CCDC60: variants seen among roughly 807,000 people sequenced by gnomAD.
CCDC60 encodes the protein coiled-coil domain-containing protein 60.
A neutral mutation model predicts 63.5 loss-of-function variants in CCDC60; 54 were observed. The observed-to-expected ratio is 0.85, with a 90% CI of 0.68 to 1.07. The LOEUF (loss-of-function observed/expected upper bound fraction) is 1.07, where lower values mean the gene tolerates loss of function less well. CCDC60 is among the 50% of genes least tolerant of loss of function. CCDC60 has a pLI of 0.00. For synonymous variants in CCDC60, 206 were observed against 238.8 expected, an observed-to-expected ratio of 0.86 and a Z score of 1.27; for missense variants, 651 against 684.3, an observed-to-expected ratio of 0.95 and a Z score of 0.54.
chr12:119,472,641 C>T (rs1025582017), intron 3 of CCDC60, among the ~76,000 whole-genome samples: 1 of 141,478 alleles, frequency 7.1e-6, no homozygotes, highest in Non-Finnish European at 1.5e-5. Context: ...AGTGCAGCGG[C>T]GTGATCTTGG....
chr12:119,355,832 GGTTGTTGCCATGGAAAGGGTAACTTCCA>G (rs960347353), intron 1 of CCDC60, among the ~76,000 whole-genome samples: 2 of 152,208 alleles, frequency 1.3e-5, no homozygotes, highest in Non-Finnish European at 2.9e-5. Context: ...CAGGTTGTCG[GGTTGTTGCCATGGAAAGGGTAACTTCCA>G]GTTGTTGCCA....
At chr12:119,338,959 G>A (rs1177834764) in intron 1 of CCDC60, among the ~76,000 whole-genome samples, 1 of 152,168 alleles carries the variant, frequency 6.6e-6, no homozygotes, top group Non-Finnish European at 1.5e-5. Flanking sequence ...CCTAACGAAT[G>A]TTCCACTGGC....
chr12:119,493,507 G>A (rs1305027088), intron 5 of CCDC60, among the ~76,000 whole-genome samples: 6 of 151,702 alleles, frequency 4.0e-5, no homozygotes, highest in African/African-American at 1.5e-4. Context: ...GTCATTATGA[G>A]TTGCATCTGA....
rs544718941 is a variant in CCDC60, at chr12:119,528,058, G to A, written c.1230-557G>A. Reference sequence around the variant, plus strand: ...TGAGGATAAAGCTGGAAAATGTGGGGGCTGAATAATTTAGAGCCTTAGAGA... The same window carrying A: ...TGAGGATAAAGCTGGAAAATGTGGGAGCTGAATAATTTAGAGCCTTAGAGA... On this transcript the variant is annotated intron_variant, in intron 11 of 13. Coordinates refer to ENST00000327554, the MANE Select transcript of CCDC60 (RefSeq NM_178499.5). 6.8e-4 allele frequency among the ~76,000 whole-genome samples: 104 copies of A among 152,036 alleles called. 1 individual carries two copies. The Middle Eastern group carries it at 0.02, about 30-fold the overall frequency.
At chr12:119,475,256 C>T (rs1267823966) in intron 3 of CCDC60, among the ~76,000 whole-genome samples, 2 of 152,098 alleles carry the variant, frequency 1.3e-5, no homozygotes, top group African/African-American at 4.8e-5. Context: ...GACAGGCAAA[C>T]CCAAAAAGCA....
chr12:119,351,163 A>C (rs1335107599), intron 1 of CCDC60, among the ~76,000 whole-genome samples: 2 of 152,190 alleles, frequency 1.3e-5, no homozygotes, highest in African/African-American at 4.8e-5. Context: ...GTCAGGATTC[A>C]AAGCATCACA....
At chr12:119,464,742 A>T (rs1167997138) in intron 2 of CCDC60, among the ~76,000 whole-genome samples, 1 of 152,094 alleles carries the variant, frequency 6.6e-6, no homozygotes, top group Non-Finnish European at 1.5e-5. Flanking sequence ...ACAGGACCTA[A>T]AGCTACACTG....
chr12:119,436,711 T>G (rs1296544918), intron 2 of CCDC60, among the ~76,000 whole-genome samples: 2 of 152,142 alleles, frequency 1.3e-5, no homozygotes, highest in African/African-American at 2.4e-5. Context: ...GCTAATTTTT[T>G]GTATTTTTAG....
intron 3 of CCDC60, among the ~76,000 whole-genome samples, chr12:119,476,414 G>T (rs1322353074): frequency 1.3e-5 from 2 of 152,268 alleles, no homozygotes; most frequent in Middle Eastern, 3.4e-3. Context: ...ATTTGCTGTG[G>T]TTTTCTCAGC....
rs189378884 is a variant in CCDC60 at position 119,371,099 on chromosome 12, C to T, written c.90+35833C>T. On this transcript the variant is annotated intron_variant, in intron 1 of 13. Coordinates refer to ENST00000327554, the MANE Select transcript of CCDC60 (RefSeq NM_178499.5). The stretch of plus-strand genomic sequence containing the variant: ...TGGGCCCTGGACCCTAATGCCTCAG[C>T]GATTGGATGGGTTGGTTCTCTCTAC... 1.2e-3 allele frequency among the ~76,000 whole-genome samples: 176 copies of T among 152,218 alleles called. 1 individual carries two copies. Among genetic ancestry groups the T allele is most frequent in the Admixed American group, 2.3e-3 (35 of 15,288 alleles).
intron 1 of CCDC60, among the ~76,000 whole-genome samples, chr12:119,426,578 C>G (rs1593070298): frequency 6.6e-6 from 1 of 152,158 alleles, no homozygotes; most frequent in Middle Eastern, 3.4e-3. Flanking sequence ...TGTCTGGTCT[C>G]AAATTCCTGA....
At chr12:119,517,282 C>A (rs1001754502) in intron 8 of CCDC60, among the ~76,000 whole-genome samples, 4 of 152,214 alleles carry the variant, frequency 2.6e-5, no homozygotes, top group Non-Finnish European at 4.4e-5. Flanking sequence ...ATGTGAATCA[C>A]CATACCTGGC....
intron 1 of CCDC60, among the ~76,000 whole-genome samples, chr12:119,396,483 G>A (rs1018464770): frequency 6.6e-6 from 1 of 152,186 alleles, no homozygotes. Flanking sequence ...GGATGCAGCA[G>A]TGGAACAGGG....
At chr12:119,416,788 A>T (rs1177909385) in intron 1 of CCDC60, among the ~76,000 whole-genome samples, 1 of 152,174 alleles carries the variant, frequency 6.6e-6, no homozygotes, top group Non-Finnish European at 1.5e-5. Flanking sequence ...TTTCCCCACA[A>T]ATCAAGGGTT....
intron 1 of CCDC60, among the ~76,000 whole-genome samples, chr12:119,424,217 T>C (rs1956863052): frequency 6.6e-6 from 1 of 152,236 alleles, no homozygotes; most frequent in Non-Finnish European, 1.5e-5. Flanking sequence ...GAAATGTCTA[T>C]AGATTTTATA....
rs566805456 is a variant in CCDC60 at position 119,481,692 on chromosome 12, G to A, written c.449+2491G>A. ...TAGTGGTGATTTGTGAGATTTTGGT[G>A]CACCCATCACCTGGGCCATATACAC... On this transcript the variant is annotated intron_variant, in intron 4 of 13. Coordinates refer to ENST00000327554, the MANE Select transcript of CCDC60 (RefSeq NM_178499.5). Among the ~76,000 whole-genome samples the A allele has an allele frequency of 3.9e-5, 6 of 151,936 alleles. No homozygotes were observed. The South Asian group carries it at 1.3e-3, about 32-fold the overall frequency.
chr12:119,373,361 G>A lies in CCDC60; in HGVS notation c.90+38095G>A, dbSNP rs565792331. Among the ~76,000 whole-genome samples the A allele has an allele frequency of 4.7e-4, 72 of 152,206 alleles. 1 individual carries two copies. Among genetic ancestry groups the A allele is most frequent in the African/African-American group, 1.5e-3 (62 of 41,530 alleles). On this transcript the variant is annotated intron_variant, in intron 1 of 13. Transcript: ENST00000327554. The stretch of plus-strand genomic sequence containing the variant: ...GGCTCCAATCACTCTAAACCCCACC[G>A]GCAGCTATGTGACTCTGAGCCAGTT...
intron 13 of CCDC60, among the ~76,000 whole-genome samples, chr12:119,538,381 C>T (rs181881768): frequency 0.023 from 3,515 of 152,276 alleles, 134 homozygotes; most frequent in African/African-American, 0.078. Flanking sequence ...CTGGGTGAGG[C>T]GATACCCTGC....
At chr12:119,347,202 A>G (rs7969811) in intron 1 of CCDC60, among the ~76,000 whole-genome samples, 109,876 of 152,024 alleles carry the variant, frequency 0.72, 39,990 homozygotes, top group East Asian at 0.89. Context: ...TCTAAAAAAG[A>G]CATATTTTGA....
Sources: allele counts gnomAD v4.1 joint callset (sites outside exome capture counted in the v4.1 genomes callset), GRCh38; gene constraint gnomAD v4.1.1; transcripts MANE v1.5; gene names NCBI Gene and HGNC (gene_info 2026-07-23, HGNC 2026-07-21).